Variants in EYA2 observed in about 807,000 individuals in gnomAD.
EYA2 encodes the protein EYA transcriptional coactivator and phosphatase 2.
In EYA2, 31 loss-of-function variants were observed where a neutral mutation model predicts 69.2. That is an observed-to-expected ratio of 0.45 (90% CI 0.34 to 0.60). The LOEUF (loss-of-function observed/expected upper bound fraction) is 0.60. Among genes scored for constraint, EYA2 ranks in the 20% least tolerant of loss-of-function variants. The pLI is 0.02. For missense variants in EYA2, 622 were observed against 701.2 expected (o/e 0.89, Z 1.28); for synonymous variants, 257 against 279.4 (o/e 0.92, Z 0.80).
intron 10 of EYA2, among the ~76,000 whole-genome samples, chr20:47,153,138 A>G (rs2033856480): frequency 6.6e-6 from 1 of 151,940 alleles, no homozygotes; most frequent in Non-Finnish European, 1.5e-5. Context: ...GTATTTATGG[A>G]TGCCTTGTGC....
chr20:46,999,890 G>A (rs1982250448), intron 2 of EYA2, among the ~76,000 whole-genome samples: 1 of 152,212 alleles, frequency 6.6e-6, no homozygotes, highest in South Asian at 2.1e-4. Context: ...TCAGAGCGCT[G>A]TTGTGAGGAC....
intron 10 of EYA2, among the ~76,000 whole-genome samples, chr20:47,143,934 C>T (rs1414231732): frequency 6.6e-6 from 1 of 152,196 alleles, no homozygotes; most frequent in African/African-American, 2.4e-5. Context: ...CAATGAGTTA[C>T]TTCTCTCTAA....
chr20:47,018,323 C>T (rs890801663), intron 5 of EYA2, among the ~76,000 whole-genome samples: 2 of 142,594 alleles, frequency 1.4e-5, no homozygotes, highest in African/African-American at 5.0e-5. Context: ...TCATTCATTC[C>T]GTATGTTGAG....
At chr20:47,017,341 T>A (rs1243309180) in intron 5 of EYA2, among the ~76,000 whole-genome samples, 8 of 152,182 alleles carry the variant, frequency 5.3e-5, no homozygotes, top group African/African-American at 1.9e-4. Flanking sequence ...GATGGAGTCT[T>A]GCTATGTTGC....
At chr20:46,925,931 T>C (rs1430337617) in intron 1 of EYA2, among the ~76,000 whole-genome samples, 1 of 152,144 alleles carries the variant, frequency 6.6e-6, no homozygotes, top group Non-Finnish European at 1.5e-5. Flanking sequence ...AATAGAGAAT[T>C]GGTCACATAA....
intron 11 of EYA2, among the ~76,000 whole-genome samples, chr20:47,171,203 A>T (rs1410489385): frequency 6.6e-6 from 1 of 152,236 alleles, no homozygotes; most frequent in African/African-American, 2.4e-5. Flanking sequence ...GCTGGCTTGG[A>T]ATTGAGAGCA....
chr20:47,102,899 G>T (rs1214543546), intron 9 of EYA2, among the ~76,000 whole-genome samples: 1 of 151,946 alleles, frequency 6.6e-6, no homozygotes, highest in East Asian at 1.9e-4. Flanking sequence ...TTTTCCAGCT[G>T]GTATTAGGCA....
intron 10 of EYA2, among the ~76,000 whole-genome samples, chr20:47,163,502 C>A (rs1321718404): frequency 1.3e-5 from 2 of 151,858 alleles, no homozygotes. Flanking sequence ...AGTTCAAGAC[C>A]GGCCTGACCA....
chr20:46,952,667 C>T (rs974383910), intron 1 of EYA2, among the ~76,000 whole-genome samples: 2 of 152,190 alleles, frequency 1.3e-5, no homozygotes, highest in African/African-American at 2.4e-5. Flanking sequence ...TGGTCCCCTC[C>T]GCAGGCCACC....
At chr20:47,028,095 A>G (rs1022575552) in intron 5 of EYA2, among the ~76,000 whole-genome samples, 20 of 152,158 alleles carry the variant, frequency 1.3e-4, no homozygotes, top group Admixed American at 9.8e-4. Flanking sequence ...AGAAAGAGAG[A>G]GAGAGATCTC....
intron 5 of EYA2, among the ~76,000 whole-genome samples, chr20:47,035,909 G>A (rs1984681053): frequency 6.6e-6 from 1 of 152,124 alleles, no homozygotes; most frequent in Admixed American, 6.5e-5. Context: ...TACTTGGGAG[G>A]CTGAGGTGGG....
chr20:46,914,262 T>TA (rs1230908063), intron 1 of EYA2, among the ~76,000 whole-genome samples: 1 of 152,118 alleles, frequency 6.6e-6, no homozygotes, highest in African/African-American at 2.4e-5. Context: ...AACTCACACT[T>TA]AAAAAAATAG....
chr20:47,141,843 T>C (rs2033603070), intron 9 of EYA2, among the ~76,000 whole-genome samples: 1 of 152,204 alleles, frequency 6.6e-6, no homozygotes, highest in African/African-American at 2.4e-5. Flanking sequence ...GCAAGTTGCA[T>C]GGTCCAATTT....
At chr20:47,131,542 G>A (rs1233026817) in intron 9 of EYA2, among the ~76,000 whole-genome samples, 1 of 152,142 alleles carries the variant, frequency 6.6e-6, no homozygotes, top group Non-Finnish European at 1.5e-5. Flanking sequence ...ATGGCCAAAG[G>A]GACTTTGCAG....
At chr20:47,016,972 C>T (rs1600642427) in intron 5 of EYA2, among the ~76,000 whole-genome samples, 1 of 152,128 alleles carries the variant, frequency 6.6e-6, no homozygotes, top group Non-Finnish European at 1.5e-5. Flanking sequence ...ATTGGACAGT[C>T]GGGTGAAGAA....
At chr20:47,168,314 C>T (rs1488945767) in intron 10 of EYA2, among the ~76,000 whole-genome samples, 1 of 151,982 alleles carries the variant, frequency 6.6e-6, no homozygotes, top group East Asian at 1.9e-4. Flanking sequence ...GCCTCAGCCT[C>T]CCGAGTAGCT....
chr20:47,129,608 A>T (rs1478925670), intron 9 of EYA2, among the ~76,000 whole-genome samples: 1 of 152,178 alleles, frequency 6.6e-6, no homozygotes, highest in Non-Finnish European at 1.5e-5. Context: ...AGTGAAAAGC[A>T]CAGCTCTGAT....
In EYA2 at chr20:47,156,171, T is replaced by C. The variant is rs557576244; in HGVS notation, c.979-12968T>C. On this transcript the variant is annotated intron_variant, in intron 10 of 15. Transcript: ENST00000327619. ...ATATATATATATATATATATATATA[T>C]ATATATATATATATTAGCCGGGCAT... Among the ~76,000 whole-genome samples, 128 of 80,456 alleles carry C rather than the reference T, an allele frequency of 1.6e-3. 2 individuals are homozygous for C. The highest frequency in any genetic ancestry group is 0.01 in the Middle Eastern group (2 of 198). The allele number at this position is 80,456 out of a possible 152,430, so 52.8% of individuals were successfully genotyped here. A position where few individuals can be genotyped will look rare whatever the true frequency, so the allele number is the denominator to read the frequency against.
At chr20:47,041,034 G>A (rs1288327590) in intron 5 of EYA2, among the ~76,000 whole-genome samples, 1 of 152,182 alleles carries the variant, frequency 6.6e-6, no homozygotes, top group East Asian at 1.9e-4. Context: ...AGGAGCTTAG[G>A]CCTGGCTGGA....
Sources: gnomAD v4.1 joint callset for allele counts (sites outside exome capture counted in the v4.1 genomes callset) on GRCh38, gnomAD v4.1.1 for gene constraint, MANE v1.5 for transcripts, NCBI Gene and HGNC (gene_info 2026-07-23, HGNC 2026-07-21) for gene names.